The following RUNDC3B variants were observed in gnomAD, a reference collection of about 807,000 sequenced individuals.
The protein encoded by RUNDC3B is RUN domain containing 3B.
Under a neutral mutation model 58.4 loss-of-function variants are expected in RUNDC3B, and 33 were observed. The ratio of observed to expected loss-of-function variants is 0.56; its 90% CI spans 0.43 to 0.75. RUNDC3B has a LOEUF of 0.75. Among genes scored for constraint, RUNDC3B ranks in the 30% least tolerant of loss-of-function variants. The pLI, the probability that RUNDC3B is intolerant of heterozygous loss-of-function variation, is 0.00. For missense variants in RUNDC3B, 501 were observed against 535.7 expected (o/e 0.94, Z 0.64); for synonymous variants, 193 against 195.2 (o/e 0.99, Z 0.10).
intron 5 of RUNDC3B, among the ~76,000 whole-genome samples, chr7:87,740,546 ATAT>A (rs1341847012): frequency 1.3e-5 from 2 of 152,174 alleles, no homozygotes; most frequent in Non-Finnish European, 2.9e-5. Context: ...AATGAAGGAA[ATAT>A]TATATTTTTA....
chr7:87,674,355 G>A (rs940952363), intron 2 of RUNDC3B, among the ~76,000 whole-genome samples: 2 of 152,142 alleles, frequency 1.3e-5, no homozygotes, highest in African/African-American at 4.8e-5. Context: ...GCAGGAGCAG[G>A]GTGCTGGCAG....
intron 7 of RUNDC3B, among the ~76,000 whole-genome samples, chr7:87,772,920 A>G (rs1388019982): frequency 1.3e-5 from 2 of 152,096 alleles, no homozygotes; most frequent in African/African-American, 4.8e-5. Context: ...GGGGATAAAT[A>G]TACTAGATAG....
intron 5 of RUNDC3B, among the ~76,000 whole-genome samples, chr7:87,740,358 T>G (rs1832246836): frequency 6.6e-6 from 1 of 152,104 alleles, no homozygotes; most frequent in African/African-American, 2.4e-5. Context: ...TTGTTAAAAT[T>G]TACTTTTATT....
chr7:87,765,526 G>A (rs1833929176), intron 6 of RUNDC3B, among the ~76,000 whole-genome samples: 1 of 151,802 alleles, frequency 6.6e-6, no homozygotes, highest in Non-Finnish European at 1.5e-5. Flanking sequence ...AAAGAATGTT[G>A]GATTTCTGCC....
intron 6 of RUNDC3B, among the ~76,000 whole-genome samples, chr7:87,769,286 C>T (rs920294527): frequency 6.6e-6 from 1 of 152,032 alleles, no homozygotes; most frequent in African/African-American, 2.4e-5. Context: ...GCTGGTATTA[C>T]AGGAATGAGC....
chr7:87,741,701 A>C, intron 6 of RUNDC3B, 122 bp downstream of exon 6: 1 of 595,692 alleles, frequency 1.7e-6, no homozygotes, highest in Non-Finnish European at 2.9e-6. Flanking sequence ...AAATCATTAA[A>C]GGGTACAAGC....
At position 87,628,833 on chromosome 7, in the gene RUNDC3B, C is replaced by G. The variant is rs1820878563; in HGVS notation, c.10C>G (p.Arg4Gly). 6 of 1,257,260 alleles carry G rather than the reference C, an allele frequency of 4.8e-6. No individual in the cohort carries two copies. Among genetic ancestry groups the G allele is most frequent in the Non-Finnish European group, 4.0e-6 (4 of 992,608 alleles). 77.9% of individuals were successfully genotyped at this position (1,257,260 alleles called of 1,614,324 possible). A position where few individuals can be genotyped will look rare whatever the true frequency, so the allele number is the denominator to read the frequency against. MAS[R>G]SLGGLSGIRG... ...CGGGGGTAAGCCCGCCATGGCCTCC[C>G]GGAGCCTGGGGGGCCTGAGCGGGAT... is the stretch of plus-strand genomic sequence containing the variant. Residue 4 changes from arginine to glycine, a missense_variant, in exon 1 of 11, where the codon CGG (arginine) becomes GGG (glycine). Transcript: ENST00000394654.
At chr7:87,639,258 G>A (rs1350716760) in intron 1 of RUNDC3B, among the ~76,000 whole-genome samples, 1 of 151,858 alleles carries the variant, frequency 6.6e-6, no homozygotes. Flanking sequence ...GTTGTGCAGA[G>A]AACATATTCT....
intron 9 of RUNDC3B, among the ~76,000 whole-genome samples, chr7:87,811,637 C>T (rs145597275): frequency 5.7e-4 from 87 of 152,302 alleles, no homozygotes; most frequent in East Asian, 3.7e-3. Flanking sequence ...AGCCACCGCG[C>T]ACGGCTGGCT....
chr7:87,641,901 C>A (rs1250279824), intron 1 of RUNDC3B, among the ~76,000 whole-genome samples: 1 of 151,920 alleles, frequency 6.6e-6, no homozygotes, highest in Non-Finnish European at 1.5e-5. Flanking sequence ...ATTTACAGAA[C>A]CAAATCTTCT....
chr7:87,830,605 T>A lies in RUNDC3B; in HGVS notation c.*575T>A, dbSNP rs1432923515. 3 of 152,044 alleles carry A rather than the reference T, an allele frequency of 2.0e-5. No individual in the cohort carries two copies. Among genetic ancestry groups the A allele is most frequent in the Non-Finnish European group, 4.4e-5 (3 of 67,906 alleles). The allele number at this position is 152,044 out of a possible 1,614,324, so 9.4% of individuals were successfully genotyped here. A position where few individuals can be genotyped will look rare whatever the true frequency, so the allele number is the denominator to read the frequency against. ...TTACCATTTGGTATCAATTCAGCAT[T>A]CCACTTAACATTTTATAAATTCCAT... On this transcript the variant is annotated 3_prime_UTR_variant, in exon 11 of 11. Transcript: ENST00000394654.
chr7:87,820,521 C>G (rs573764369), intron 10 of RUNDC3B, among the ~76,000 whole-genome samples: 1 of 152,156 alleles, frequency 6.6e-6, no homozygotes, highest in African/African-American at 2.4e-5. Context: ...AGAGAGAATC[C>G]TCCCTAACTC....
At chr7:87,749,886 T>TTATTA (rs1832863299) in intron 6 of RUNDC3B, among the ~76,000 whole-genome samples, 1 of 152,002 alleles carries the variant, frequency 6.6e-6, no homozygotes, top group Admixed American at 6.6e-5. Flanking sequence ...TTTTATTTTT[T>TTATTA]TATTATTATA....
chr7:87,679,931 T>A (rs1826759254), intron 2 of RUNDC3B, among the ~76,000 whole-genome samples: 1 of 150,564 alleles, frequency 6.6e-6, no homozygotes, highest in Non-Finnish European at 1.5e-5. Context: ...TACACTTTTT[T>A]AAACAAATTA....
At chr7:87,676,881 T>C (rs1354635709) in intron 2 of RUNDC3B, among the ~76,000 whole-genome samples, 1 of 151,980 alleles carries the variant, frequency 6.6e-6, no homozygotes, top group African/African-American at 2.4e-5. Flanking sequence ...ACACTCGATA[T>C]CACTACTCAT....
chr7:87,630,692 T>C (rs925382304), intron 1 of RUNDC3B, among the ~76,000 whole-genome samples: 1 of 151,848 alleles, frequency 6.6e-6, no homozygotes, highest in African/African-American at 2.4e-5. Flanking sequence ...CTTAGTCTTT[T>C]TTTTTTTTTC....
intron 1 of RUNDC3B, among the ~76,000 whole-genome samples, chr7:87,649,374 A>G (rs1823345721): frequency 6.6e-6 from 1 of 152,364 alleles, no homozygotes; most frequent in Non-Finnish European, 1.5e-5. Context: ...AGGGAGATAC[A>G]TAGTTCAGAA....
intron 6 of RUNDC3B, among the ~76,000 whole-genome samples, chr7:87,759,814 G>A (rs2130851200): frequency 6.6e-6 from 1 of 150,830 alleles, no homozygotes; most frequent in Middle Eastern, 3.4e-3. Context: ...AAAAGTCCTT[G>A]AGGTGATAGA....
chr7:87,700,013 G>A (rs1828878984), intron 2 of RUNDC3B, among the ~76,000 whole-genome samples: 2 of 150,964 alleles, frequency 1.3e-5, no homozygotes, highest in African/African-American at 4.9e-5. Flanking sequence ...TTTTTTTTCT[G>A]TTTTTTTAAA....
Sources: allele counts gnomAD v4.1 joint callset (sites outside exome capture counted in the v4.1 genomes callset), GRCh38; gene constraint gnomAD v4.1.1; transcripts MANE v1.5; gene names NCBI Gene and HGNC (gene_info 2026-07-23, HGNC 2026-07-21).